The following SORCS1 variants were observed in gnomAD, a reference collection of about 807,000 sequenced individuals.
SORCS1 encodes VPS10 domain-containing receptor SorCS1.
A neutral mutation model predicts 146.1 loss-of-function variants in SORCS1; 60 were observed. The ratio of observed to expected loss-of-function variants is 0.41; its 90% CI spans 0.33 to 0.51. The LOEUF (loss-of-function observed/expected upper bound fraction) is 0.51, where lower values mean the gene tolerates loss of function less well. SORCS1 is among the 20% of genes least tolerant of loss of function. The pLI is 0.21. For missense variants in SORCS1, 1,352 were observed against 1,487.6 expected (o/e 0.91, Z 1.50); for synonymous variants, 637 against 584.0 (o/e 1.09, Z -1.31).
chr10:106,707,942 C>A (rs916155794), intron 7 of SORCS1, among the ~76,000 whole-genome samples: 1 of 152,192 alleles, frequency 6.6e-6, no homozygotes, highest in African/African-American at 2.4e-5. Flanking sequence ...GGAAAGTTAT[C>A]ATCTTCACCG....
At chr10:106,762,485 C>T (rs374994334) in intron 4 of SORCS1, among the ~76,000 whole-genome samples, 14 of 148,636 alleles carry the variant, frequency 9.4e-5, no homozygotes, top group African/African-American at 2.5e-4. Flanking sequence ...CTCTGCCTCC[C>T]GGGTTCACGC....
intron 1 of SORCS1, among the ~76,000 whole-genome samples, chr10:106,996,619 C>A (rs112243537): frequency 6.6e-6 from 1 of 152,098 alleles, no homozygotes; most frequent in Non-Finnish European, 1.5e-5. Flanking sequence ...TTTCGTCGTA[C>A]CAAAAAAATC....
At chr10:106,597,571 A>G (rs955225367) in intron 23 of SORCS1, 121 bp from the exon 24 acceptor site, 3 of 697,938 alleles carry the variant, frequency 4.3e-6, no homozygotes, top group South Asian at 1.8e-5. Context: ...AGTTATATAA[A>G]TAAGGTTTAT....
At position 106,993,838 on chromosome 10, in the gene SORCS1, C is replaced by T. The variant is rs145538917; in HGVS notation, c.559-37258G>A. On this transcript the variant is annotated intron_variant, in intron 1 of 25. Coordinates refer to ENST00000263054, the MANE Select transcript of SORCS1 (RefSeq NM_052918.5). ...CCTGTAATCCCTACACTTTGGGAGG[C>T]TGAGGTGGGCAGATTGATTGACTCA... Among the ~76,000 whole-genome samples, 164 of 152,074 alleles carry T rather than the reference C, an allele frequency of 1.1e-3. 1 individual carries two copies. Among genetic ancestry groups the T allele is most frequent in the African/African-American group, 2.9e-3 (121 of 41,480 alleles).
chr10:107,067,214 T>C (rs1342739221), intron 1 of SORCS1, among the ~76,000 whole-genome samples: 1 of 152,190 alleles, frequency 6.6e-6, no homozygotes, highest in Admixed American at 6.5e-5. Context: ...CATTTCTCCT[T>C]ACTCCTTACT....
chr10:107,090,099 C>T lies in SORCS1; in HGVS notation c.558+73870G>A, dbSNP rs532610172. Among the ~76,000 whole-genome samples the T allele has an allele frequency of 4.5e-4, 69 of 152,246 alleles. 1 individual carries two copies. The highest frequency in any genetic ancestry group is 7.8e-4 in the Admixed American group (12 of 15,300). ...GGTGGAGAGCCTGATGGCTTCCACG[C>T]AGAGGGGTTCAGGTCTCTCTCTGGG... On this transcript the variant is annotated intron_variant, in intron 1 of 25. Coordinates refer to ENST00000263054, the MANE Select transcript of SORCS1 (RefSeq NM_052918.5).
chr10:106,708,347 T>C (rs1394273854), intron 7 of SORCS1, among the ~76,000 whole-genome samples: 1 of 152,188 alleles, frequency 6.6e-6, no homozygotes, highest in Non-Finnish European at 1.5e-5. Context: ...CCTCAAAGCA[T>C]GTAATTAAAT....
chr10:106,956,587 G>T lies in SORCS1; in HGVS notation c.559-7C>A. On this transcript the variant is annotated splice_polypyrimidine_tract_variant and splice_region_variant and intron_variant, in intron 1 of 25. Coordinates refer to ENST00000263054, the MANE Select transcript of SORCS1 (RefSeq NM_052918.5). ...TTGTCAAAATGAGAATCACCTGAAG[G>T]CAAAAGAAGAAATCATGGTTAGTCT... 1.2e-6 allele frequency: 2 copies of T among 1,613,566 alleles called. No homozygotes were observed. The highest frequency in any genetic ancestry group is 2.2e-5 in the South Asian group (2 of 91,012).
chr10:106,850,747 A>G (rs1375657631), intron 2 of SORCS1, among the ~76,000 whole-genome samples: 1 of 152,050 alleles, frequency 6.6e-6, no homozygotes, highest in African/African-American at 2.4e-5. Flanking sequence ...CCTATGTCTA[A>G]CTCATTTTTG....
In SORCS1 at chr10:106,793,069, C is replaced by T. The variant is rs190811722; in HGVS notation, c.727-16377G>A. 5.1e-3 allele frequency among the ~76,000 whole-genome samples: 769 copies of T among 152,222 alleles called. 7 individuals carry two copies. The highest frequency in any genetic ancestry group is 6.0e-3 in the Non-Finnish European group (406 of 68,002). On this transcript the variant is annotated intron_variant, in intron 3 of 25. Coordinates refer to ENST00000263054, the MANE Select transcript of SORCS1 (RefSeq NM_052918.5). ...TTGGGATTAAATAATGAAAAAGACA[C>T]TAAATGCCTTATTACAACAGATAAC...
At chr10:106,735,438 A>C (rs1453422405) in intron 5 of SORCS1, among the ~76,000 whole-genome samples, 2 of 152,206 alleles carry the variant, frequency 1.3e-5, no homozygotes, top group Admixed American at 1.3e-4. Flanking sequence ...TCAAGGTGCT[A>C]TTTGAAGACA....
intron 1 of SORCS1, among the ~76,000 whole-genome samples, chr10:107,066,203 A>C (rs1013764207): frequency 3.3e-5 from 5 of 152,212 alleles, no homozygotes; most frequent in African/African-American, 1.2e-4. Flanking sequence ...TGTAGCTCTG[A>C]GCCCATGCTT....
At chr10:106,656,291 C>G (rs928898689) in intron 17 of SORCS1, among the ~76,000 whole-genome samples, 1 of 152,188 alleles carries the variant, frequency 6.6e-6, no homozygotes, top group Middle Eastern at 3.2e-3. Flanking sequence ...TGGCTCATGC[C>G]TGCAATCCCA....
chr10:106,920,178 C>T (rs1201390912), intron 2 of SORCS1, among the ~76,000 whole-genome samples: 1 of 152,170 alleles, frequency 6.6e-6, no homozygotes, highest in Non-Finnish European at 1.5e-5. Context: ...ACAGTGAGCA[C>T]AAGCTGCAGG....
chr10:106,730,052 C>T lies in SORCS1; in HGVS notation c.1022G>A (p.Gly341Asp), dbSNP rs763665104. Residue 341 changes from glycine (G) to aspartate (D), a missense_variant and splice_region_variant, in exon 6 of 26, where the codon GGT becomes GAT. By Grantham distance (94) the Gly-to-Asp change is moderately conservative. Coordinates refer to ENST00000263054, the MANE Select transcript of SORCS1 (RefSeq NM_052918.5). ...LVHLEARTVD[G>D]HSHYLTCRMQ... The stretch of plus-strand genomic sequence containing the variant: ...TGCGGCAAAGTTGATTTACTTACGA[C>T]CATCCACAGTTCTGGCCTCAAGATG... 2 of 1,614,114 alleles carry T rather than the reference C, an allele frequency of 1.2e-6. No homozygotes were observed. The highest frequency in any genetic ancestry group is 1.7e-6 in the Non-Finnish European group (2 of 1,179,984).
At chr10:107,079,682 T>C (rs1963175594) in intron 1 of SORCS1, among the ~76,000 whole-genome samples, 1 of 152,168 alleles carries the variant, frequency 6.6e-6, no homozygotes, top group Non-Finnish European at 1.5e-5. Context: ...AGGCCACAGA[T>C]ACTTCAGAAG....
intron 18 of SORCS1, among the ~76,000 whole-genome samples, chr10:106,650,022 T>G (rs1423953640): frequency 6.6e-6 from 1 of 152,182 alleles, no homozygotes; most frequent in Non-Finnish European, 1.5e-5. Flanking sequence ...CATTGTTGTT[T>G]TACAGGATAT....
chr10:107,113,510 T>G (rs1965826752), intron 1 of SORCS1, among the ~76,000 whole-genome samples: 1 of 151,510 alleles, frequency 6.6e-6, no homozygotes, highest in African/African-American at 2.4e-5. Flanking sequence ...GCCAACATGG[T>G]GAAATCCTGT....
chr10:107,132,770 C>A (rs2134645772), intron 1 of SORCS1, among the ~76,000 whole-genome samples: 1 of 152,296 alleles, frequency 6.6e-6, no homozygotes, highest in East Asian at 1.9e-4. Context: ...TAACCAGATT[C>A]ACTAAGATTA....
Sources: gnomAD v4.1 joint callset for allele counts (sites outside exome capture counted in the v4.1 genomes callset) on GRCh38, gnomAD v4.1.1 for gene constraint, MANE v1.5 for transcripts, NCBI Gene and HGNC (gene_info 2026-07-23, HGNC 2026-07-21) for gene names.